Variants in SOX5 observed in about 807,000 individuals in gnomAD.
The protein encoded by SOX5 is transcription factor SOX-5.
A neutral mutation model predicts 92.0 loss-of-function variants in SOX5; 9 were observed. The observed-to-expected ratio is 0.10, with a 90% CI of 0.06 to 0.17. The LOEUF (loss-of-function observed/expected upper bound fraction) is 0.17. Among genes scored for constraint, SOX5 ranks in the 10% least tolerant of loss-of-function variants. The pLI is 1.00. For synonymous variants in SOX5, 344 were observed against 336.3 expected (o/e 1.02, Z -0.25); for missense variants, 642 against 944.5 (o/e 0.68, Z 4.20).
chr12:23,658,654 G>A (rs2082626233), intron 7 of SOX5, among the ~76,000 whole-genome samples: 1 of 152,130 alleles, frequency 6.6e-6, no homozygotes, highest in Non-Finnish European at 1.5e-5. Context: ...CACTTTGGGA[G>A]GCCAAGATGG....
At chr12:24,335,551 T>C (rs1412429322) in intron 2 of SOX5, among the ~76,000 whole-genome samples, 1 of 152,150 alleles carries the variant, frequency 6.6e-6, no homozygotes, top group Non-Finnish European at 1.5e-5. Flanking sequence ...ATTAAGCATG[T>C]GAGACAAAGA....
intron 3 of SOX5, among the ~76,000 whole-genome samples, chr12:24,226,751 G>A (rs956566912): frequency 3.9e-5 from 6 of 152,194 alleles, no homozygotes; most frequent in South Asian, 2.1e-4. Flanking sequence ...GATTACAGGC[G>A]TGAGCCACCA....
rs563413846 is a variant in SOX5, at chr12:24,061,991, A to G, written c.-2+151352T>C. Among the ~76,000 whole-genome samples the G allele has an allele frequency of 2.0e-5, 3 of 152,360 alleles. No homozygotes were observed. The South Asian group carries it at 6.2e-4, about 32-fold the overall frequency. On this transcript the variant is annotated intron_variant, in intron 4 of 4. Coordinates refer to the SOX5 transcript ENST00000446891. ...TTCATATAGCCATTTGAGAGAGGAA[A>G]AAATGTAGAAAAGAAGATAGATTAA... is the stretch of plus-strand genomic sequence containing the variant.
chr12:24,479,612 C>A (rs939050667), intron 1 of SOX5, among the ~76,000 whole-genome samples: 2 of 152,024 alleles, frequency 1.3e-5, no homozygotes, highest in Non-Finnish European at 2.9e-5. Flanking sequence ...AACGAAAAAG[C>A]CTTACAAAAT....
At chr12:24,182,580 T>C (rs1029410251) in intron 4 of SOX5, among the ~76,000 whole-genome samples, 2 of 151,982 alleles carry the variant, frequency 1.3e-5, no homozygotes, top group South Asian at 2.1e-4. Flanking sequence ...TTTTTTTTTT[T>C]CCTTCTCACC....
At chr12:24,415,849 T>G (rs1313097227) in intron 1 of SOX5, among the ~76,000 whole-genome samples, 1 of 152,144 alleles carries the variant, frequency 6.6e-6, no homozygotes, top group Non-Finnish European at 1.5e-5. Flanking sequence ...TCTAACTACA[T>G]CAAAGTTGGA....
At chr12:24,191,520 G>C (rs1323199964) in intron 4 of SOX5, among the ~76,000 whole-genome samples, 2 of 152,152 alleles carry the variant, frequency 1.3e-5, no homozygotes, top group Non-Finnish European at 2.9e-5. Flanking sequence ...CCGGACACCT[G>C]CTAAGGCCAA....
intron 1 of SOX5, among the ~76,000 whole-genome samples, chr12:24,426,200 CA>C (rs1446952253): frequency 7.5e-5 from 11 of 146,462 alleles, no homozygotes; most frequent in African/African-American, 2.8e-4. Flanking sequence ...ACTCTTGTCT[CA>C]AAAACAAACA....
chr12:24,465,312 A>C (rs1184104373), intron 1 of SOX5, among the ~76,000 whole-genome samples: 1 of 152,266 alleles, frequency 6.6e-6, no homozygotes, highest in African/African-American at 2.4e-5. Context: ...CATAATAGCG[A>C]ACATTTACTG....
chr12:24,431,736 A>G (rs1311424711), intron 1 of SOX5, among the ~76,000 whole-genome samples: 1 of 152,182 alleles, frequency 6.6e-6, no homozygotes, highest in East Asian at 1.9e-4. Context: ...CTTGGTACCC[A>G]AGAAGGGAAT....
chr12:23,659,827 C>T (rs939169162), intron 7 of SOX5, among the ~76,000 whole-genome samples: 1 of 151,862 alleles, frequency 6.6e-6, no homozygotes, highest in Non-Finnish European at 1.5e-5. Flanking sequence ...ATTAGCTGGG[C>T]GTGGTGGTGC....
intron 11 of SOX5, among the ~76,000 whole-genome samples, chr12:23,557,900 C>T (rs1267562685): frequency 6.7e-6 from 1 of 149,526 alleles, no homozygotes; most frequent in African/African-American, 2.5e-5. Context: ...CGCTTGAACC[C>T]TGGAGGCGGA....
At chr12:24,349,815 G>C (rs906622177) in intron 2 of SOX5, among the ~76,000 whole-genome samples, 1 of 152,058 alleles carries the variant, frequency 6.6e-6, no homozygotes, top group African/African-American at 2.4e-5. Flanking sequence ...GGGATTGCTG[G>C]ATTGTATGGT....
intron 1 of SOX5, among the ~76,000 whole-genome samples, chr12:24,424,527 C>T (rs1966409185): frequency 6.6e-6 from 1 of 152,064 alleles, no homozygotes; most frequent in African/African-American, 2.4e-5. Context: ...GCAAAAGCAA[C>T]CAACAGCTTG....
At chr12:24,306,028 T>C (rs1948526048) in intron 2 of SOX5, among the ~76,000 whole-genome samples, 1 of 152,174 alleles carries the variant, frequency 6.6e-6, no homozygotes, top group South Asian at 2.1e-4. Context: ...AACGTGAGGA[T>C]CAGAAAATAT....
Position 23,693,469 on chromosome 12 carries a change from A to AAATAG in SOX5, c.811-27910_811-27906dup, listed in dbSNP as rs199691560. 5.6e-3 allele frequency among the ~76,000 whole-genome samples: 855 copies of AAATAG among 152,298 alleles called. 8 individuals carry two copies. Among genetic ancestry groups the AAATAG allele is most frequent in the Middle Eastern group, 0.027 (8 of 294 alleles). On this transcript the variant is annotated intron_variant, in intron 6 of 14. Coordinates refer to ENST00000451604, the MANE Select transcript of SOX5 (RefSeq NM_006940.6). Reference sequence around the variant, plus strand: ...ATTTGATAAAACTGTTTCAAGCTATAAATAGTTACATCAAGTACTTACATA... The same window carrying AAATAG: ...ATTTGATAAAACTGTTTCAAGCTATAAATAGAATAGTTACATCAAGTACTTACATA...
intron 1 of SOX5, among the ~76,000 whole-genome samples, chr12:24,472,081 A>C (rs1430797870): frequency 6.6e-6 from 1 of 152,248 alleles, no homozygotes; most frequent in Non-Finnish European, 1.5e-5. Context: ...CATTTTGTTT[A>C]AAATAAACAG....
intron 1 of SOX5, among the ~76,000 whole-genome samples, chr12:24,520,817 C>A (rs756179465): frequency 3.9e-5 from 6 of 152,110 alleles, no homozygotes; most frequent in Admixed American, 6.5e-5. Flanking sequence ...GTGCAAATGG[C>A]AACCGAAAGA....
chr12:24,255,575 G>A (rs1023866499), intron 3 of SOX5, among the ~76,000 whole-genome samples: 4 of 152,174 alleles, frequency 2.6e-5, no homozygotes, highest in Non-Finnish European at 5.9e-5. Context: ...GGGATGGAGA[G>A]TAAAGTGGAA....
Sources: gnomAD v4.1 joint callset for allele counts (sites outside exome capture counted in the v4.1 genomes callset) on GRCh38, gnomAD v4.1.1 for gene constraint, MANE v1.5 for transcripts, NCBI Gene and HGNC (gene_info 2026-07-23, HGNC 2026-07-21) for gene names.